CDH13: variants seen among roughly 807,000 people sequenced by gnomAD.
CDH13 encodes the protein cadherin 13, also known as cadherin-13.
CDH13 carries 24 observed loss-of-function variants against 63.8 expected under a neutral mutation model. The observed-to-expected ratio is 0.38, with a 90% CI of 0.27 to 0.53. The LOEUF is 0.53. CDH13 is among the 20% of genes least tolerant of loss of function. CDH13 has a pLI of 0.85. For missense variants in CDH13, 1,049 were observed against 903.1 expected, an observed-to-expected ratio of 1.16 and a Z score of -2.07; for synonymous variants, 503 against 355.3, an observed-to-expected ratio of 1.42 and a Z score of -4.67.
chr16:83,488,606 A>G (rs2073945245), intron 7 of CDH13, among the ~76,000 whole-genome samples: 1 of 151,552 alleles, frequency 6.6e-6, no homozygotes, highest in East Asian at 1.9e-4. Flanking sequence ...AACCCTCCCT[A>G]TTTTTTTATT....
At chr16:82,661,735 TAGC>T (rs1322829980) in intron 1 of CDH13, among the ~76,000 whole-genome samples, 3 of 152,250 alleles carry the variant, frequency 2.0e-5, no homozygotes, top group South Asian at 2.1e-4. Context: ...GAACCAGACT[TAGC>T]AGAGAACACG....
At chr16:82,736,869 T>A (rs553053223) in intron 1 of CDH13, among the ~76,000 whole-genome samples, 1 of 150,904 alleles carries the variant, frequency 6.6e-6, no homozygotes, top group Non-Finnish European at 1.5e-5. Context: ...CTTGGTTGTC[T>A]TCCTCAATCC....
At chr16:82,931,994 G>A (rs887666126) in intron 2 of CDH13, among the ~76,000 whole-genome samples, 1 of 152,192 alleles carries the variant, frequency 6.6e-6, no homozygotes, top group African/African-American at 2.4e-5. Context: ...ATGAAAAGGG[G>A]GGCACAGTTA....
intron 8 of CDH13, among the ~76,000 whole-genome samples, chr16:83,636,577 G>C (rs996544890): frequency 6.6e-6 from 1 of 152,120 alleles, no homozygotes; most frequent in African/African-American, 2.4e-5. Flanking sequence ...AAAGCCTCCA[G>C]CTCCATTCAT....
chr16:83,145,410 G>T (rs1408697752), intron 4 of CDH13, among the ~76,000 whole-genome samples: 1 of 152,176 alleles, frequency 6.6e-6, no homozygotes, highest in South Asian at 2.1e-4. Flanking sequence ...AAGACCAGGG[G>T]CTTTTAAACA....
chr16:83,464,619 C>A (rs1347441921), intron 6 of CDH13, among the ~76,000 whole-genome samples: 1 of 152,152 alleles, frequency 6.6e-6, no homozygotes, highest in African/African-American at 2.4e-5. Flanking sequence ...CTTGAGCTCC[C>A]AACATGCTGG....
intron 3 of CDH13, among the ~76,000 whole-genome samples, chr16:83,065,159 G>A (rs1053022678): frequency 6.6e-6 from 1 of 152,146 alleles, no homozygotes; most frequent in African/African-American, 2.4e-5. Context: ...TTTGTCTCCT[G>A]GTGATATACT....
At chr16:82,720,499 G>T (rs987342350) in intron 1 of CDH13, among the ~76,000 whole-genome samples, 2 of 151,990 alleles carry the variant, frequency 1.3e-5, no homozygotes, top group African/African-American at 2.4e-5. Flanking sequence ...TCCATCGCAG[G>T]GCACACTTAC....
chr16:83,033,174 C>G (rs1408877534), intron 3 of CDH13, among the ~76,000 whole-genome samples: 1 of 152,122 alleles, frequency 6.6e-6, no homozygotes, highest in East Asian at 1.9e-4. Flanking sequence ...TCAAAGATAT[C>G]TCAAAGCTAA....
intron 10 of CDH13, among the ~76,000 whole-genome samples, chr16:83,716,593 C>T (rs1170809432): frequency 1.3e-5 from 2 of 152,156 alleles, no homozygotes; most frequent in Non-Finnish European, 2.9e-5. Flanking sequence ...AAGCAATCCT[C>T]CTGCCTCAGC....
intron 6 of CDH13, among the ~76,000 whole-genome samples, chr16:83,458,019 C>G (rs1016763854): frequency 2.6e-5 from 4 of 152,190 alleles, no homozygotes; most frequent in Admixed American, 1.3e-4. Context: ...AGCTCTGGGT[C>G]TCTTAAGATG....
At chr16:82,709,112 A>G (rs2031720528) in intron 1 of CDH13, among the ~76,000 whole-genome samples, 1 of 152,194 alleles carries the variant, frequency 6.6e-6, no homozygotes, top group African/African-American at 2.4e-5. Context: ...CAATGAACAT[A>G]ACAATGGATA....
At chr16:83,060,558 C>T (rs995766842) in intron 3 of CDH13, among the ~76,000 whole-genome samples, 3 of 152,076 alleles carry the variant, frequency 2.0e-5, no homozygotes, top group African/African-American at 7.2e-5. Context: ...GAGAGGCAGT[C>T]GAGGTGTAGA....
At chr16:83,748,794 C>T (rs911958335) in intron 11 of CDH13, among the ~76,000 whole-genome samples, 21 of 152,088 alleles carry the variant, frequency 1.4e-4, no homozygotes, top group African/African-American at 2.9e-4. Flanking sequence ...ATGCTGGGGG[C>T]GCAGCAGTAA....
chr16:82,954,718 C>T (rs761091131), intron 2 of CDH13: 9 of 149,038 alleles, frequency 6.0e-5, no homozygotes, highest in Non-Finnish European at 1.3e-4. Context: ...ACCGTCGCCA[C>T]AATGAACTTT....
At chr16:83,430,035 C>G (rs1273590840) in intron 6 of CDH13, among the ~76,000 whole-genome samples, 1 of 152,148 alleles carries the variant, frequency 6.6e-6, no homozygotes, top group Non-Finnish European at 1.5e-5. Flanking sequence ...CTAAGTTGAT[C>G]TGGTACAGAC....
chr16:83,643,668 C>T (rs755536266), intron 8 of CDH13, among the ~76,000 whole-genome samples: 2 of 152,078 alleles, frequency 1.3e-5, no homozygotes, highest in African/African-American at 4.8e-5. Flanking sequence ...AGAGAAACTC[C>T]ATAATGTTTA....
At chr16:83,723,345 C>A (rs1006211794) in intron 10 of CDH13, among the ~76,000 whole-genome samples, 3 of 152,176 alleles carry the variant, frequency 2.0e-5, no homozygotes, top group African/African-American at 7.2e-5. Context: ...TCTCCATGTC[C>A]CACAGATACT....
chr16:83,367,100 C>T (rs1226834121), intron 6 of CDH13, among the ~76,000 whole-genome samples: 1 of 152,156 alleles, frequency 6.6e-6, no homozygotes, highest in African/African-American at 2.4e-5. Flanking sequence ...AAATGAAATT[C>T]TGGGCTCATT....
Sources: allele counts gnomAD v4.1 joint callset (sites outside exome capture counted in the v4.1 genomes callset), GRCh38; gene constraint gnomAD v4.1.1; transcripts MANE v1.5; gene names NCBI Gene and HGNC (gene_info 2026-07-23, HGNC 2026-07-21).